Variants in STXBP6 observed in about 807,000 individuals in gnomAD.
STXBP6 encodes the protein syntaxin-binding protein 6.
STXBP6 carries 21 observed loss-of-function variants against 26.9 expected under a neutral mutation model. The ratio of observed to expected loss-of-function variants is 0.78; its 90% CI spans 0.55 to 1.12. The LOEUF (loss-of-function observed/expected upper bound fraction) is 1.12, where lower values mean the gene tolerates loss of function less well. Among genes scored for constraint, STXBP6 ranks in the 50% most tolerant of loss-of-function variants. The pLI, the probability that STXBP6 is intolerant of heterozygous loss-of-function variation, is 0.00. For missense variants in STXBP6, 232 were observed against 257.9 expected, an observed-to-expected ratio of 0.90 and a Z score of 0.69; for synonymous variants, 97 against 92.6, an observed-to-expected ratio of 1.05 and a Z score of -0.27.
At chr14:24,929,201 T>C (rs2072290721) in intron 2 of STXBP6, among the ~76,000 whole-genome samples, 1 of 152,358 alleles carries the variant, frequency 6.6e-6, no homozygotes, top group Non-Finnish European at 1.5e-5. Context: ...TTATTCTCTT[T>C]GAAAAGTCAT....
At chr14:24,864,905 A>C (rs1267376877) in intron 2 of STXBP6, among the ~76,000 whole-genome samples, 1 of 152,144 alleles carries the variant, frequency 6.6e-6, no homozygotes, top group East Asian at 1.9e-4. Flanking sequence ...TTCTAAAAAA[A>C]AGTGCATGGT....
Position 24,810,114 on chromosome 14 carries a change from A to G in STXBP6, c.*2595T>C, listed in dbSNP as rs1475278605. The G allele has an allele frequency of 2.0e-5, 3 of 152,252 alleles. No individual in the cohort carries two copies. The highest frequency in any genetic ancestry group is 4.4e-5 in the Non-Finnish European group (3 of 68,046). The allele number at this position is 152,252 out of a possible 1,614,324, so 9.4% of individuals were successfully genotyped here. On this transcript the variant is annotated 3_prime_UTR_variant, in exon 6 of 6. Coordinates refer to ENST00000323944, the MANE Select transcript of STXBP6 (RefSeq NM_001394410.1). The stretch of plus-strand genomic sequence containing the variant: ...GTGAGAAATACTACAGCTATATTCC[A>G]GGAAGAAGTGGTAATACTGGAAAGT...
chr14:24,969,738 C>T (rs930255666), intron 2 of STXBP6, among the ~76,000 whole-genome samples: 8 of 152,092 alleles, frequency 5.3e-5, no homozygotes, highest in African/African-American at 1.9e-4. Flanking sequence ...GAAAAGATAG[C>T]ACAAAATAAA....
intron 1 of STXBP6, among the ~76,000 whole-genome samples, chr14:25,013,908 T>A (rs890576812): frequency 1.2e-4 from 18 of 152,180 alleles, no homozygotes; most frequent in African/African-American, 4.1e-4. Context: ...GAACACTGAC[T>A]AAATAGCCCA....
chr14:24,827,212 TAAAC>T (rs377601311), intron 4 of STXBP6, among the ~76,000 whole-genome samples: 5 of 151,942 alleles, frequency 3.3e-5, no homozygotes, highest in Admixed American at 2.0e-4. Context: ...AACAAAGAAA[TAAAC>T]AAACAAACAA....
intron 2 of STXBP6, among the ~76,000 whole-genome samples, chr14:24,945,570 AAAAACAAAAC>A (rs571075931): frequency 5.3e-5 from 8 of 151,998 alleles, no homozygotes; most frequent in Admixed American, 5.3e-4. Flanking sequence ...ACCCTGTCTC[AAAAACAAAAC>A]AAAACAAAAC....
chr14:24,855,847 CT>C, intron 4 of STXBP6, 88 bp downstream of exon 4: 1 of 1,303,094 alleles, frequency 7.7e-7, no homozygotes, highest in Non-Finnish European at 1.0e-6. Flanking sequence ...CTGTTTTTGT[CT>C]TTAATTATGC....
intron 2 of STXBP6, among the ~76,000 whole-genome samples, chr14:24,942,754 G>T (rs548794000): frequency 6.6e-6 from 1 of 152,178 alleles, no homozygotes; most frequent in East Asian, 1.9e-4. Flanking sequence ...GATAAAGGGG[G>T]TGGTTCATGC....
intron 2 of STXBP6, among the ~76,000 whole-genome samples, chr14:24,954,758 C>T (rs1318684116): frequency 1.3e-5 from 2 of 152,212 alleles, no homozygotes; most frequent in East Asian, 3.9e-4. Flanking sequence ...AAATTAGCAA[C>T]AGTCCCCCCT....
chr14:24,999,634 C>T (rs1006840630), intron 1 of STXBP6, among the ~76,000 whole-genome samples: 1 of 152,080 alleles, frequency 6.6e-6, no homozygotes, highest in African/African-American at 2.4e-5. Context: ...AGAATGGTCA[C>T]AGGAGGTGAC....
intron 2 of STXBP6, among the ~76,000 whole-genome samples, chr14:24,875,886 CA>C (rs1288954588): frequency 6.6e-6 from 1 of 152,064 alleles, no homozygotes; most frequent in Non-Finnish European, 1.5e-5. Flanking sequence ...TCATATTCAT[CA>C]GGGGGTTCAC....
intron 2 of STXBP6, among the ~76,000 whole-genome samples, chr14:24,874,526 C>A (rs983120094): frequency 2.0e-5 from 3 of 152,104 alleles, no homozygotes; most frequent in Non-Finnish European, 4.4e-5. Flanking sequence ...TGGAGAAACA[C>A]AGCCAGAATC....
rs552099268 is a variant in STXBP6, at chr14:24,869,542, C to T, written c.155-12385G>A. Among the ~76,000 whole-genome samples the T allele has an allele frequency of 1.4e-3, 208 of 152,258 alleles. 3 individuals carry two copies. Among genetic ancestry groups the T allele is most frequent in the Middle Eastern group, 6.8e-3 (2 of 294 alleles). ...TTCAGAACAAAAGAAATACAACACCCGACTCTCTGGTGCTGAATAAGTGGT... is the reference window on the plus strand; with the variant it reads ...TTCAGAACAAAAGAAATACAACACCTGACTCTCTGGTGCTGAATAAGTGGT... On this transcript the variant is annotated intron_variant, in intron 2 of 5. Transcript: ENST00000323944.
intron 2 of STXBP6, among the ~76,000 whole-genome samples, chr14:24,911,920 C>T (rs754019586): frequency 6.6e-6 from 1 of 152,148 alleles, no homozygotes; most frequent in South Asian, 2.1e-4. Flanking sequence ...TGTGTGTTCT[C>T]CAGTCACGGA....
intron 2 of STXBP6, among the ~76,000 whole-genome samples, chr14:24,903,877 C>T (rs2071297124): frequency 1.3e-5 from 2 of 152,098 alleles, no homozygotes; most frequent in African/African-American, 2.4e-5. Flanking sequence ...ATTAAGTGAG[C>T]GTTCTTGTGA....
chr14:24,904,640 A>G (rs181264431), intron 2 of STXBP6, among the ~76,000 whole-genome samples: 41 of 152,278 alleles, frequency 2.7e-4, no homozygotes, highest in African/African-American at 8.9e-4. Context: ...ATATCCTTGT[A>G]AGAGGAGGGA....
chr14:24,915,408 C>T (rs1017573160), intron 2 of STXBP6, among the ~76,000 whole-genome samples: 4 of 152,200 alleles, frequency 2.6e-5, no homozygotes, highest in African/African-American at 9.6e-5. Flanking sequence ...ATTACTATTA[C>T]CATTGGCATT....
intron 2 of STXBP6, among the ~76,000 whole-genome samples, chr14:24,944,613 G>C (rs2072915523): frequency 6.6e-6 from 1 of 152,128 alleles, no homozygotes; most frequent in South Asian, 2.1e-4. Flanking sequence ...CCAGTACTCT[G>C]GGTTTGCCTA....
intron 2 of STXBP6, among the ~76,000 whole-genome samples, chr14:24,934,650 C>T (rs756814494): frequency 1.2e-4 from 18 of 151,912 alleles, no homozygotes; most frequent in African/African-American, 4.1e-4. Flanking sequence ...AGAACTAAGA[C>T]TAAACAATTG....
Sources: allele counts gnomAD v4.1 joint callset (sites outside exome capture counted in the v4.1 genomes callset), GRCh38; gene constraint gnomAD v4.1.1; transcripts MANE v1.5; gene names NCBI Gene and HGNC (gene_info 2026-07-23, HGNC 2026-07-21).